NBPF20: variants seen among roughly 807,000 people sequenced by gnomAD.
NBPF20 encodes NBPF family member NBPF20.
A neutral mutation model predicts 68.1 loss-of-function variants in NBPF20; 90 were observed. The observed-to-expected ratio is 1.32, with a 90% CI of 1.11 to 1.58. The LOEUF (loss-of-function observed/expected upper bound fraction) is 1.58, where lower values mean the gene tolerates loss of function less well. Ranked by LOEUF, NBPF20 falls within the 40% of genes most tolerant of loss-of-function variation. The pLI is 0.00. For missense variants in NBPF20, 816 were observed against 601.2 expected (o/e 1.36, Z -3.74); for synonymous variants, 290 against 228.1 (o/e 1.27, Z -2.45).
chr1:145,404,891 G>T (rs587703476), intron 2 of NBPF20, among the ~76,000 whole-genome samples: 2 of 151,016 alleles, frequency 1.3e-5, no homozygotes, highest in East Asian at 3.9e-4. Flanking sequence ...TTTAACTCTA[G>T]TCCCACCCCC....
intron 3 of NBPF20, among the ~76,000 whole-genome samples, chr1:145,402,786 A>G (rs1662585329): frequency 6.7e-6 from 1 of 149,868 alleles, no homozygotes; most frequent in Non-Finnish European, 1.5e-5. Context: ...GGCGAATTGA[A>G]AAGACGAAAG....
At chr1:145,400,078 G>A (rs1433522547) in intron 6 of NBPF20, among the ~76,000 whole-genome samples, 3 of 152,188 alleles carry the variant, frequency 2.0e-5, no homozygotes, top group East Asian at 3.9e-4. Context: ...TTCAGGGACA[G>A]AGGACTTAAT....
chr1:145,291,635 A>C (rs1661097585), exon 138 of NBPF20: 4 of 1,611,986 alleles, frequency 2.5e-6, no homozygotes, highest in Non-Finnish European at 3.4e-6. Flanking sequence ...CTGTTCCTCA[A>C]ATGAGTAAAA....
chr1:145,290,047 T>G (rs1162277497), exon 138 of NBPF20: 1 of 149,404 alleles, frequency 6.7e-6, no homozygotes, highest in Non-Finnish European at 1.5e-5. Context: ...AAATTAACTT[T>G]GGACAAAAAT....
At chr1:145,419,493 T>A in the NBPF20 span, among the ~76,000 whole-genome samples, 813 of 152,226 alleles carry the variant, frequency 5.3e-3, 8 homozygotes, top group Non-Finnish European at 9.0e-3. Flanking sequence ...CCCAAAAGAA[T>A]GAGATGAGAC....
intron 5 of NBPF20, 102 bp from the exon 11 acceptor site, chr1:145,400,696 T>A: frequency 6.0e-6 from 9 of 1,492,850 alleles, no homozygotes; most frequent in Non-Finnish European, 9.3e-7. Flanking sequence ...AAGAGAGTGG[T>A]CCCAGAAAGC....
chr1:145,403,139 A>T, intron 3 of NBPF20, 77 bp downstream of exon 8: 3 of 1,556,222 alleles, frequency 1.9e-6, no homozygotes, highest in South Asian at 1.1e-5. Context: ...CTTAGCTCTT[A>T]CGTCTCCCCA....
At chr1:145,292,601 G>C (rs868916551) in intron 136 of NBPF20, 112 bp from the exon 142 acceptor site, 1 of 748,238 alleles carries the variant, frequency 1.3e-6, no homozygotes, top group Non-Finnish European at 2.4e-6. Flanking sequence ...ATAAGAATAG[G>C]ACACTTTGAG....
Position 145,291,772 on chromosome 1 carries a change from G to T in NBPF20, c.16698-3C>A, listed in dbSNP as rs201131223. 9 of 1,611,800 alleles carry T rather than the reference G, an allele frequency of 5.6e-6. No individual in the cohort carries two copies. The highest frequency in any genetic ancestry group is 6.8e-6 in the Non-Finnish European group (8 of 1,179,850). Reference sequence around the variant, plus strand: ...CTTCCATCAGCACGCCGTTGAGCCTGGAAAAGGAGACAAAACTAAAGAAGC... The same window carrying T: ...CTTCCATCAGCACGCCGTTGAGCCTTGAAAAGGAGACAAAACTAAAGAAGC... On this transcript the variant is annotated splice_polypyrimidine_tract_variant and splice_region_variant and intron_variant, in intron 137 of 137. Coordinates refer to ENST00000369373, the Ensembl canonical transcript of NBPF20.
the NBPF20 span, among the ~76,000 whole-genome samples, chr1:145,421,836 T>C: frequency 6.6e-6 from 1 of 151,766 alleles, no homozygotes; most frequent in South Asian, 2.1e-4. Flanking sequence ...AGCCCAGGAG[T>C]TTGAAACCAG....
At chr1:145,395,328 GC>G (rs1662172162) in intron 7 of NBPF20, among the ~76,000 whole-genome samples, 187 bp from the exon 13 acceptor site, 1 of 146,606 alleles carries the variant, frequency 6.8e-6, no homozygotes, top group Non-Finnish European at 1.5e-5. Flanking sequence ...TGGGGACAGA[GC>G]AAAAATGGGC....
At chr1:145,419,845 A>T in the NBPF20 span, among the ~76,000 whole-genome samples, 42 of 152,322 alleles carry the variant, frequency 2.8e-4, no homozygotes, top group African/African-American at 9.4e-4. Context: ...CAGTGAAAGA[A>T]GGCGTCCACC....
chr1:145,402,341 T>C lies in NBPF20; in HGVS notation c.319A>G (p.Thr107Ala), dbSNP rs1284820646. The change falls in exon 4 of 138, where the codon ACC becomes GCC. Residue 107 changes from threonine to alanine, a missense_variant. Coordinates refer to ENST00000369373, the Ensembl canonical transcript of NBPF20. ...TCCCGCAACTTCTCCCTTAACTGGG[T>C]CAGCTCTCGTTCCTGAGCGTGAACC... 9.4e-5 allele frequency: 151 copies of C among 1,601,938 alleles called. 1 individual carries two copies. Among genetic ancestry groups the C allele is most frequent in the Non-Finnish European group, 9.0e-5 (105 of 1,170,700 alleles).
the NBPF20 span, among the ~76,000 whole-genome samples, chr1:145,425,498 A>T: frequency 6.6e-6 from 1 of 152,192 alleles, no homozygotes; most frequent in Non-Finnish European, 1.5e-5. Context: ...AAGCTCACGC[A>T]GCCTCGCGAC....
At chr1:145,292,409 C>T (rs782495409) in exon 137 of NBPF20, 4 of 689,260 alleles carry the variant, frequency 5.8e-6, no homozygotes, top group South Asian at 1.6e-5. Context: ...TGATCTTCTT[C>T]CCCTTCTTTT....
At chr1:145,408,894 T>C (rs1254647667), upstream of NBPF20, among the ~76,000 whole-genome samples, 1 of 151,352 alleles carries the variant, frequency 6.6e-6, no homozygotes, top group Non-Finnish European at 1.5e-5. Flanking sequence ...TATGGAGAAA[T>C]TAAGATGATG....
At chr1:145,422,236 T>C in the NBPF20 span, among the ~76,000 whole-genome samples, 1 of 151,582 alleles carries the variant, frequency 6.6e-6, no homozygotes, top group Admixed American at 6.7e-5. Flanking sequence ...TTGTAAAAAC[T>C]GTAAAAAGAT....
chr1:145,342,796 GAC>G (rs1413736337), intron 73 of NBPF20, among the ~76,000 whole-genome samples: 242 of 114,762 alleles, frequency 2.1e-3, no homozygotes, highest in South Asian at 4.6e-3. Flanking sequence ...CACACACACA[GAC>G]ACACACACAC....
upstream of NBPF20, among the ~76,000 whole-genome samples, chr1:145,409,539 C>T (rs1382689909): frequency 2.0e-5 from 3 of 147,020 alleles, no homozygotes; most frequent in South Asian, 2.3e-4. Context: ...GACGAAATAA[C>T]GAAGGCATTC....
Sources: gnomAD v4.1 joint callset for allele counts (sites outside exome capture counted in the v4.1 genomes callset) on GRCh38, gnomAD v4.1.1 for gene constraint, MANE v1.5 for transcripts, NCBI Gene and HGNC (gene_info 2026-07-23, HGNC 2026-07-21) for gene names.